Variants in FAR2 observed in about 807,000 individuals in gnomAD.
FAR2 encodes the protein epididymis secretory protein Li 81.
In FAR2, 19 loss-of-function variants were observed where a neutral mutation model predicts 56.0. The observed-to-expected ratio is 0.34, with a 90% CI of 0.24 to 0.50. The LOEUF is 0.50. Ranked by LOEUF, FAR2 falls within the 20% of genes least tolerant of loss-of-function variation. The pLI is 0.98. For synonymous variants in FAR2, 219 were observed against 218.8 expected (o/e 1.00, Z -0.01); for missense variants, 508 against 642.2 (o/e 0.79, Z 2.26).
intron 1 of FAR2, among the ~76,000 whole-genome samples, chr12:29,268,169 G>T (rs577214461): frequency 6.6e-6 from 1 of 152,296 alleles, no homozygotes; most frequent in African/African-American, 2.4e-5. Context: ...AGAGCAGGGT[G>T]TTGACACTTC....
intron 2 of FAR2, among the ~76,000 whole-genome samples, chr12:29,287,225 C>T (rs1027841664): frequency 3.3e-5 from 5 of 152,170 alleles, no homozygotes; most frequent in Non-Finnish European, 7.4e-5. Flanking sequence ...GTTTGAGCAA[C>T]TTCCTGGGCA....
intron 1 of FAR2, among the ~76,000 whole-genome samples, chr12:29,255,403 C>A (rs1401695288): frequency 6.6e-6 from 1 of 152,168 alleles, no homozygotes; most frequent in African/African-American, 2.4e-5. Context: ...TTTCCAAATA[C>A]TATCACACTG....
chr12:29,165,217 T>C (rs1047500403), intron 1 of FAR2, among the ~76,000 whole-genome samples: 1 of 152,124 alleles, frequency 6.6e-6, no homozygotes, highest in Non-Finnish European at 1.5e-5. Context: ...TTTGCAACCA[T>C]TCAAGTTTGC....
intron 1 of FAR2, among the ~76,000 whole-genome samples, chr12:29,157,189 T>C (rs1490835130): frequency 5.6e-5 from 8 of 143,188 alleles, no homozygotes; most frequent in Non-Finnish European, 1.2e-4. Flanking sequence ...TGAAAATTGA[T>C]TAAACAATGT....
chr12:29,152,577 T>C (rs1261589573), intron 1 of FAR2, among the ~76,000 whole-genome samples: 1 of 152,228 alleles, frequency 6.6e-6, no homozygotes, highest in Admixed American at 6.5e-5. Context: ...GGTCTTCTAA[T>C]GGCACTAGAA....
chr12:29,269,129 A>G (rs2136704812), intron 1 of FAR2, among the ~76,000 whole-genome samples: 1 of 152,240 alleles, frequency 6.6e-6, no homozygotes, highest in African/African-American at 2.4e-5. Flanking sequence ...TCCTCTTCCT[A>G]ATAAGCCTGG....
chr12:29,303,312 T>C (rs1301013056), intron 4 of FAR2, among the ~76,000 whole-genome samples: 1 of 152,202 alleles, frequency 6.6e-6, no homozygotes, highest in Admixed American at 6.5e-5. Flanking sequence ...AAAGACTACC[T>C]TAAGGAGGTT....
intron 1 of FAR2, among the ~76,000 whole-genome samples, chr12:29,189,758 C>T (rs947468412): frequency 3.9e-5 from 6 of 152,084 alleles, no homozygotes; most frequent in Admixed American, 6.5e-5. Context: ...AAAGATCGCT[C>T]CAAAAATATT....
At chr12:29,324,838 C>T (rs1264496677) in intron 10 of FAR2, among the ~76,000 whole-genome samples, 2 of 152,176 alleles carry the variant, frequency 1.3e-5, no homozygotes, top group African/African-American at 2.4e-5. Flanking sequence ...GAAACTGCAT[C>T]AACTAACGAG....
intron 2 of FAR2, among the ~76,000 whole-genome samples, chr12:29,273,519 G>C (rs1441409739): frequency 6.6e-6 from 1 of 152,196 alleles, no homozygotes; most frequent in Non-Finnish European, 1.5e-5. Context: ...CACTAGCAGG[G>C]GAAAAGCACA....
At chr12:29,221,017 G>C (rs1425691053) in intron 1 of FAR2, among the ~76,000 whole-genome samples, 2 of 152,084 alleles carry the variant, frequency 1.3e-5, no homozygotes, top group East Asian at 3.9e-4. Flanking sequence ...GGGGCTACTG[G>C]CGCAGTGTGT....
At chr12:29,312,143 G>C (rs1027295261) in intron 8 of FAR2, among the ~76,000 whole-genome samples, 193 bp downstream of exon 8, 3 of 152,174 alleles carry the variant, frequency 2.0e-5, no homozygotes, top group African/African-American at 7.2e-5. Flanking sequence ...AAAGGAGTCA[G>C]TGGCAACATG....
chr12:29,260,744 C>T (rs1948404101), intron 1 of FAR2, among the ~76,000 whole-genome samples: 1 of 152,178 alleles, frequency 6.6e-6, no homozygotes, highest in Non-Finnish European at 1.5e-5. Context: ...ATCTGTGGAC[C>T]TACCTGGGTC....
At chr12:29,310,373 A>G (rs1259480005) in intron 6 of FAR2, among the ~76,000 whole-genome samples, 1 of 152,196 alleles carries the variant, frequency 6.6e-6, no homozygotes. Context: ...CAAAGAATCA[A>G]TTTCATAAAC....
At chr12:29,311,401 AGG>A (rs1949348828) in intron 7 of FAR2, among the ~76,000 whole-genome samples, 1 of 152,144 alleles carries the variant, frequency 6.6e-6, no homozygotes, top group South Asian at 2.1e-4. Flanking sequence ...GATAACCAAA[AGG>A]CTTTTCTTTC....
intron 2 of FAR2, chr12:29,280,889 G>C (rs181365091): frequency 8.0e-4 from 122 of 152,374 alleles, no homozygotes; most frequent in African/African-American, 2.8e-3. Context: ...CACAAGGATG[G>C]CTGGAAAATG....
chr12:29,253,445 A>G lies in FAR2; in HGVS notation c.-38-16967A>G, dbSNP rs555437526. On this transcript the variant is annotated intron_variant, in intron 1 of 11. Transcript: ENST00000536681. ...TAGATAGATATGTATGTATATACAC[A>G]TACACCTATATATATAGATACATAT... Among the ~76,000 whole-genome samples the G allele has an allele frequency of 2.0e-5, 3 of 151,704 alleles. No individual in the cohort carries two copies. The East Asian group carries it at 5.8e-4, about 29-fold the overall frequency.
chr12:29,199,473 G>A (rs1304679599), intron 1 of FAR2, among the ~76,000 whole-genome samples: 1 of 151,792 alleles, frequency 6.6e-6, no homozygotes, highest in Non-Finnish European at 1.5e-5. Context: ...GGTGGCGGGT[G>A]CCTGTAGTCC....
intron 1 of FAR2, among the ~76,000 whole-genome samples, chr12:29,177,534 C>T (rs1949950079): frequency 6.6e-6 from 1 of 152,090 alleles, no homozygotes; most frequent in Non-Finnish European, 1.5e-5. Context: ...GGCTAACTAA[C>T]AAGGGCTATC....
Sources: allele counts gnomAD v4.1 joint callset (sites outside exome capture counted in the v4.1 genomes callset), GRCh38; gene constraint gnomAD v4.1.1; transcripts MANE v1.5; gene names NCBI Gene and HGNC (gene_info 2026-07-23, HGNC 2026-07-21).